FOXM1: variants seen among roughly 807,000 people sequenced by gnomAD.
FOXM1 encodes the protein forkhead box M1.
Under a neutral mutation model 63.6 loss-of-function variants are expected in FOXM1, and 25 were observed. The ratio of observed to expected loss-of-function variants is 0.39; its 90% CI spans 0.29 to 0.55. The LOEUF (loss-of-function observed/expected upper bound fraction) is 0.55. FOXM1 is among the 20% of genes least tolerant of loss of function. The probability of loss-of-function intolerance (pLI) is 0.60; values close to 1 mark genes in which losing one functional copy is unlikely to be tolerated. For synonymous variants in FOXM1, 387 were observed against 376.9 expected (o/e 1.03, Z -0.31); for missense variants, 879 against 958.7 (o/e 0.92, Z 1.10).
At chr12:2,873,881 A>G in intron 2 of FOXM1, 96 bp downstream of exon 2, 1 of 1,390,262 alleles carries the variant, frequency 7.2e-7, no homozygotes, top group Non-Finnish European at 9.8e-7. Context: ...CTCGGCCAGA[A>G]GCCTGACTGT....
intron 8 of FOXM1, among the ~76,000 whole-genome samples, chr12:2,862,828 C>T (rs1289997979): frequency 6.6e-6 from 1 of 151,906 alleles, no homozygotes; most frequent in African/African-American, 2.4e-5. Flanking sequence ...AGGTGTGAGC[C>T]ACTGTGCATG....
At chr12:2,868,331 A>C in intron 4 of FOXM1, 1 of 387,158 alleles carries the variant, frequency 2.6e-6, no homozygotes, top group African/African-American at 2.1e-5. Context: ...TGAGTGCTAC[A>C]TTGAAGACCC....
intron 8 of FOXM1, among the ~76,000 whole-genome samples, chr12:2,860,031 T>TA (rs200539478): frequency 1.8e-3 from 274 of 149,196 alleles, no homozygotes; most frequent in Non-Finnish European, 2.1e-3. Context: ...TGACTGGCTT[T>TA]AAAAAAAAAA....
intron 8 of FOXM1, chr12:2,861,264 G>T: frequency 1.4e-6 from 1 of 709,720 alleles, no homozygotes; most frequent in South Asian, 1.6e-5. Flanking sequence ...ACAATTCCAA[G>T]TCACCAAACA....
At chr12:2,863,361 T>C (rs1445817616) in intron 8 of FOXM1, among the ~76,000 whole-genome samples, 1 of 152,162 alleles carries the variant, frequency 6.6e-6, no homozygotes, top group Non-Finnish European at 1.5e-5. Context: ...GCATGCTCTC[T>C]CTACACCTGT....
chr12:2,875,053 C>T (rs2098139932), intron 1 of FOXM1, among the ~76,000 whole-genome samples: 1 of 143,294 alleles, frequency 7.0e-6, no homozygotes. Context: ...AGTGCAGTGG[C>T]ACGATCTCAG....
At position 2,858,999 on chromosome 12, in the gene FOXM1, T is replaced by C. The variant is rs762144757; in HGVS notation, c.1931A>G (p.Gln644Arg). Residue 644 changes from glutamine to arginine, a missense_variant, in exon 9 of 9, where the codon CAG (glutamine) becomes CGG (arginine). Gln to Arg is a conservative substitution (Grantham distance 43). Coordinates refer to ENST00000359843, the MANE Select transcript of FOXM1 (RefSeq NM_021953.4). ...GTCAGGCAAGGGGTCAGAGGCACCC[T>C]GGGAGGTTTGTACTGGGCTGAAATC... The part of the protein sequence containing the change: ...GLDFSPVQTS[Q>R]GASDPLPDPL... 173 of 1,613,076 alleles carry C rather than the reference T, an allele frequency of 1.1e-4. No individual in the cohort carries two copies. The highest frequency in any genetic ancestry group is 8.0e-5 in the Non-Finnish European group (94 of 1,179,744).
At chr12:2,875,414 A>G (rs1198494245) in intron 1 of FOXM1, among the ~76,000 whole-genome samples, 1 of 152,164 alleles carries the variant, frequency 6.6e-6, no homozygotes, top group Admixed American at 6.5e-5. Context: ...ACAAAACCTC[A>G]CATAAAATGG....
intron 4 of FOXM1, among the ~76,000 whole-genome samples, chr12:2,867,746 C>T (rs1284821550): frequency 6.6e-6 from 1 of 150,716 alleles, no homozygotes; most frequent in Non-Finnish European, 1.5e-5. Flanking sequence ...GAGGTCGAGA[C>T]GGGTGGATCA....
In FOXM1 at chr12:2,864,074, A is replaced by C; in HGVS notation, c.1266+246T>G. ...TAATAATCCTAGCCCATCTATCACA[A>C]TCACTTTTGTCTGAATTCTTACAAG... is the stretch of plus-strand genomic sequence containing the variant. On this transcript the variant is annotated intron_variant, in intron 8 of 8. Transcript: ENST00000359843. The surrounding 1 kb of genome is among the most constrained non-coding windows in gnomAD (Gnocchi z 5.1). 2.2e-6 allele frequency: 1 copy of C among 457,720 alleles called. No individual in the cohort carries two copies. The highest frequency in any genetic ancestry group is 3.9e-6 in the Non-Finnish European group (1 of 254,076). The allele number at this position is 457,720 out of a possible 1,614,324, so 28.4% of individuals were successfully genotyped here.
In FOXM1 at chr12:2,874,863, A is replaced by G. The variant is rs1231269979; in HGVS notation, c.-47-338T>C. On this transcript the variant is annotated intron_variant, in intron 1 of 8. Coordinates refer to ENST00000359843, the MANE Select transcript of FOXM1 (RefSeq NM_021953.4). The surrounding 1 kb of genome is among the most constrained non-coding windows in gnomAD (Gnocchi z 4.3). ...AATCTCTATAATTGCCTACTATAAT[A>G]TAAATAGATCACTTGCAATGACTGT... 6.6e-6 allele frequency among the ~76,000 whole-genome samples: 1 copy of G among 152,204 alleles called. No homozygotes were observed. Among genetic ancestry groups the G allele is most frequent in the African/African-American group, 2.4e-5 (1 of 41,454 alleles).
rs200486055 is a variant in FOXM1 at position 2,864,722 on chromosome 12, G to A, written c.1051C>T (p.Arg351Trp). ...QQKRPNPELRRNMTIKTELPL... is the reference protein window; with the variant it reads ...QQKRPNPELRWNMTIKTELPL... ...AGTTCGGTTTTGATGGTCATGTTCC[G>A]GCGGAGCTCTGGATTCGGTCGTTTC... The change falls in exon 7 of 9, where the codon CGG (arginine) becomes TGG (tryptophan). Residue 351 changes from arginine (R) to tryptophan (W), a missense_variant. Physicochemically the swap from Arg to Trp is moderately radical, Grantham distance 101. Around this residue, in one of 4 missense-constraint regions of FOXM1, gnomAD observed 76 missense variants for 94.5 expected, o/e 0.80. Coordinates refer to ENST00000359843, the MANE Select transcript of FOXM1 (RefSeq NM_021953.4). The surrounding 1 kb of genome is among the most constrained non-coding windows in gnomAD (Gnocchi z 5.1). The A allele has an allele frequency of 1.9e-4, 301 of 1,614,060 alleles. 2 individuals are homozygous for A. The highest frequency in any genetic ancestry group is 4.5e-5 in the Non-Finnish European group (53 of 1,180,050).
At chr12:2,865,902 C>T (rs1168017331) in intron 5 of FOXM1, among the ~76,000 whole-genome samples, 1 of 152,162 alleles carries the variant, frequency 6.6e-6, no homozygotes, top group African/African-American at 2.4e-5. Context: ...ATCCACCTGC[C>T]TCAGCCTCCC....
In FOXM1 at chr12:2,859,257, G is replaced by A. The variant is rs757092453; in HGVS notation, c.1673C>T (p.Pro558Leu). 20 of 1,613,564 alleles carry A rather than the reference G, an allele frequency of 1.2e-5. No individual in the cohort carries two copies. Among genetic ancestry groups the A allele is most frequent in the South Asian group, 3.3e-5 (3 of 91,082 alleles). The part of the protein sequence containing the change: ...QHLLPPCVDE[P>L]ELLFSEGPST... The stretch of plus-strand genomic sequence containing the variant: ...GGGCCCCTCTGAGAAGAGCAGCTCC[G>A]GCTCATCCACACAGGGAGGCAGTAG... Residue 558 changes from proline to leucine, a missense_variant, in exon 9 of 9, where the codon CCG becomes CTG. Physicochemically the swap from Pro to Leu is moderately conservative, Grantham distance 98 (BLOSUM62 -3). Around this residue, in one of 4 missense-constraint regions of FOXM1, gnomAD observed 486 missense variants for 453.5 expected, o/e 1.07. Coordinates refer to ENST00000359843, the MANE Select transcript of FOXM1 (RefSeq NM_021953.4).
intron 3 of FOXM1, among the ~76,000 whole-genome samples, chr12:2,869,719 G>A (rs965244993): frequency 2.0e-5 from 3 of 150,966 alleles, no homozygotes; most frequent in Middle Eastern, 3.5e-3. Flanking sequence ...TTACAGGCAT[G>A]AGCCATTGCG....
Position 2,864,637 on chromosome 12 carries a change from G to A in FOXM1, c.1090+46C>T. Reference sequence around the variant, plus strand: ...CAGAGTCTGGTTCCCTAAAGATATGGCCCCAGAACAAGGACCAGGCCCAAG... The same window carrying A: ...CAGAGTCTGGTTCCCTAAAGATATGACCCCAGAACAAGGACCAGGCCCAAG... On this transcript the variant is annotated intron_variant, in intron 7 of 8. Coordinates refer to ENST00000359843, the MANE Select transcript of FOXM1 (RefSeq NM_021953.4). This position sits in a 1 kb window ranked among gnomAD's most constrained non-coding sequence, Gnocchi z 5.1. 6.2e-7 allele frequency: 1 copy of A among 1,602,808 alleles called. No individual in the cohort carries two copies. The highest frequency in any genetic ancestry group is 8.5e-7 in the Non-Finnish European group (1 of 1,169,904).
In FOXM1 at chr12:2,869,028, G is replaced by A. The variant is rs115830624; in HGVS notation, c.655-274C>T. On this transcript the variant is annotated intron_variant, in intron 3 of 8. Transcript: ENST00000359843. ...AGTCCCTTCCAGTTGAAATTTCTTA[G>A]GAAAGTTTGAGTATGTACTTTGATT... is the stretch of plus-strand genomic sequence containing the variant. 4.8e-3 allele frequency among the ~76,000 whole-genome samples: 732 copies of A among 152,272 alleles called. 4 individuals are homozygous for A. Among genetic ancestry groups the A allele is most frequent in the African/African-American group, 0.017 (693 of 41,562 alleles).
At chr12:2,871,832 T>C (rs931435958) in intron 3 of FOXM1, among the ~76,000 whole-genome samples, 1 of 152,130 alleles carries the variant, frequency 6.6e-6, no homozygotes, top group African/African-American at 2.4e-5. Context: ...ATTTCCTGAA[T>C]ACCTACTAAG....
At chr12:2,860,369 C>T (rs1259063437) in intron 8 of FOXM1, among the ~76,000 whole-genome samples, 1 of 151,814 alleles carries the variant, frequency 6.6e-6, no homozygotes, top group East Asian at 1.9e-4. Flanking sequence ...CCTGTAGTTC[C>T]AGCTACAGGT....
Sources: allele counts gnomAD v4.1 joint callset (sites outside exome capture counted in the v4.1 genomes callset), GRCh38; gene constraint gnomAD v4.1.1; regional missense constraint gnomAD v4.1.1; non-coding constraint Gnocchi (gnomAD v3.1); transcripts MANE v1.5; gene names NCBI Gene and HGNC (gene_info 2026-07-23, HGNC 2026-07-21).